The following NUMB variants were observed in gnomAD, a reference collection of about 807,000 sequenced individuals.
The protein encoded by NUMB is NUMB endocytic adaptor protein, also known as protein numb homolog.
In NUMB, 29 loss-of-function variants were observed where a neutral mutation model predicts 59.7. The observed-to-expected ratio is 0.49, with a 90% CI of 0.36 to 0.66. The LOEUF is 0.66. Ranked by LOEUF, NUMB falls within the 30% of genes least tolerant of loss-of-function variation. The pLI, the probability that NUMB is intolerant of heterozygous loss-of-function variation, is 0.00. For missense variants in NUMB, 723 were observed against 822.0 expected (o/e 0.88, Z 1.47); for synonymous variants, 288 against 288.2 (o/e 1.00, Z 0.01).
chr14:73,354,681 A>G (rs952457986), intron 4 of NUMB, among the ~76,000 whole-genome samples: 2 of 151,588 alleles, frequency 1.3e-5, no homozygotes, highest in African/African-American at 4.8e-5. Context: ...TACAAAAATT[A>G]GCCGGGCATG....
chr14:73,401,563 A>ATTTTTT (rs1164847403), intron 2 of NUMB, among the ~76,000 whole-genome samples: 10 of 110,050 alleles, frequency 9.1e-5, no homozygotes, highest in Non-Finnish European at 1.2e-4. Flanking sequence ...GTAAGACTAA[A>ATTTTTT]TTTTTTTTTT....
At chr14:73,351,195 C>T (rs1264604195) in intron 4 of NUMB, among the ~76,000 whole-genome samples, 1 of 152,108 alleles carries the variant, frequency 6.6e-6, no homozygotes, top group Non-Finnish European at 1.5e-5. Context: ...ATAAGATGGC[C>T]GGGCACGGTG....
At chr14:73,357,091 T>C (rs1396109282) in intron 3 of NUMB, 1 of 774,538 alleles carries the variant, frequency 1.3e-6, no homozygotes, top group East Asian at 1.3e-4. Flanking sequence ...GGTACAAGTT[T>C]CATTATCAAC....
At chr14:73,385,495 C>CTTTTTTTT (rs1566773092) in intron 2 of NUMB, among the ~76,000 whole-genome samples, 2 of 67,546 alleles carry the variant, frequency 3.0e-5, no homozygotes, top group African/African-American at 7.4e-5. Flanking sequence ...TGGCTAGTGG[C>CTTTTTTTT]CTTTTTTTTT....
At chr14:73,382,718 A>G (rs1895308168) in intron 2 of NUMB, among the ~76,000 whole-genome samples, 1 of 152,200 alleles carries the variant, frequency 6.6e-6, no homozygotes, top group Admixed American at 6.5e-5. Flanking sequence ...CTCTCTACAG[A>G]ACAGTATCAT....
At chr14:73,336,609 G>T (rs999128953) in intron 4 of NUMB, among the ~76,000 whole-genome samples, 1 of 151,422 alleles carries the variant, frequency 6.6e-6, no homozygotes, top group African/African-American at 2.4e-5. Context: ...CTTTCATCTG[G>T]AACAACTGGA....
chr14:73,349,315 C>T (rs1413790134), intron 4 of NUMB, among the ~76,000 whole-genome samples: 1 of 152,086 alleles, frequency 6.6e-6, no homozygotes, highest in African/African-American at 2.4e-5. Context: ...AGGCCGGGCA[C>T]AGTGGCTCAT....
chr14:73,443,222 C>G (rs1883195541), intron 1 of NUMB, among the ~76,000 whole-genome samples: 1 of 152,158 alleles, frequency 6.6e-6, no homozygotes, highest in Non-Finnish European at 1.5e-5. Context: ...CTGAATAAAG[C>G]TATTTTTAAA....
At chr14:73,450,237 T>C (rs1212728446) in intron 1 of NUMB, among the ~76,000 whole-genome samples, 1 of 152,244 alleles carries the variant, frequency 6.6e-6, no homozygotes, top group African/African-American at 2.4e-5. Flanking sequence ...ATAAGCTCCA[T>C]TTTATGGATG....
chr14:73,316,382 A>T lies in NUMB; in HGVS notation c.234+8T>A, dbSNP rs1393389866. The T allele has an allele frequency of 6.2e-7, 1 of 1,613,212 alleles. No individual in the cohort carries two copies. Among genetic ancestry groups the T allele is most frequent in the East Asian group, 2.2e-5 (1 of 44,886 alleles). On this transcript the variant is annotated splice_region_variant and intron_variant, in intron 6 of 12. Coordinates refer to ENST00000555238, the MANE Select transcript of NUMB (RefSeq NM_001005743.2). Reference sequence around the variant, plus strand: ...ATAAAGCAAGCATGAATGTGGCATCAAACTTACTTTTCCAAAGAAGCCTTT... The same window carrying T: ...ATAAAGCAAGCATGAATGTGGCATCTAACTTACTTTTCCAAAGAAGCCTTT...
intron 9 of NUMB, chr14:73,284,942 G>C (rs965903568): frequency 1.3e-5 from 2 of 152,170 alleles, no homozygotes; most frequent in African/African-American, 4.8e-5. Context: ...CCACCTCCCA[G>C]GTTCAAGTGA....
At chr14:73,400,610 G>A (rs1896365900) in intron 2 of NUMB, among the ~76,000 whole-genome samples, 2 of 152,270 alleles carry the variant, frequency 1.3e-5, no homozygotes, top group East Asian at 1.9e-4. Context: ...CAAGGATAAG[G>A]GCTGGTCACC....
intron 4 of NUMB, among the ~76,000 whole-genome samples, 176 bp downstream of exon 4, chr14:73,355,450 C>CT (rs1893733325): frequency 6.6e-6 from 1 of 152,248 alleles, no homozygotes; most frequent in African/African-American, 2.4e-5. Context: ...TAAAATCTAT[C>CT]TGTTTTCTTT....
intron 5 of NUMB, among the ~76,000 whole-genome samples, chr14:73,317,845 T>C (rs574454777): frequency 2.0e-5 from 3 of 152,310 alleles, no homozygotes; most frequent in Admixed American, 6.5e-5. Context: ...CTTTAAGCCT[T>C]TACTTTTTAT....
intron 9 of NUMB, 49 bp downstream of exon 9, chr14:73,287,060 TG>T (rs1889060412): frequency 6.5e-7 from 1 of 1,548,818 alleles, no homozygotes. Flanking sequence ...AATAATACCT[TG>T]TTGGGAAAAA....
chr14:73,366,483 C>T (rs1438275214), intron 3 of NUMB, among the ~76,000 whole-genome samples: 1 of 152,104 alleles, frequency 6.6e-6, no homozygotes, highest in African/African-American at 2.4e-5. Flanking sequence ...TACTGTGTGC[C>T]AGGCATTGTT....
At chr14:73,431,823 C>T (rs546961520) in intron 1 of NUMB, among the ~76,000 whole-genome samples, 1 of 152,040 alleles carries the variant, frequency 6.6e-6, no homozygotes, top group Admixed American at 6.5e-5. Context: ...TTTTAAACTA[C>T]CTGTCTAAAC....
At position 73,278,545 on chromosome 14, in the gene NUMB, ATAAT is replaced by A. The variant is rs1378086225; in HGVS notation, c.1240+732_1240+735del. 7.9e-5 allele frequency among the ~76,000 whole-genome samples: 12 copies of A among 151,774 alleles called. 1 individual carries two copies. In the South Asian group the frequency reaches 1.7e-3, roughly 21 times the overall value. ...CAAAAAAAAAAAACTTTTTGGTTTT[ATAAT>A]TAATAGATGTTTTTTATACAAAACT... is the stretch of plus-strand genomic sequence containing the variant. On this transcript the variant is annotated intron_variant, in intron 12 of 12. Coordinates refer to ENST00000555238, the MANE Select transcript of NUMB (RefSeq NM_001005743.2).
chr14:73,451,192 C>G (rs1883943458), intron 1 of NUMB, among the ~76,000 whole-genome samples: 1 of 142,244 alleles, frequency 7.0e-6, no homozygotes, highest in Non-Finnish European at 1.5e-5. Flanking sequence ...CAAATCTACA[C>G]TTCGGGAGGC....
Sources: gnomAD v4.1 joint callset for allele counts (sites outside exome capture counted in the v4.1 genomes callset) on GRCh38, gnomAD v4.1.1 for gene constraint, MANE v1.5 for transcripts, NCBI Gene and HGNC (gene_info 2026-07-23, HGNC 2026-07-21) for gene names.